FBXL17: variants seen among roughly 807,000 people sequenced by gnomAD.
The protein encoded by FBXL17 is F-box and leucine rich repeat protein 17.
FBXL17 carries 22 observed loss-of-function variants against 66.2 expected under a neutral mutation model. That is an observed-to-expected ratio of 0.33 (90% CI 0.24 to 0.47). The LOEUF (loss-of-function observed/expected upper bound fraction) is 0.47, where lower values mean the gene tolerates loss of function less well. FBXL17 is among the 20% of genes least tolerant of loss of function. The pLI, the probability that FBXL17 is intolerant of heterozygous loss-of-function variation, is 1.00. For missense variants in FBXL17, 878 were observed against 948.2 expected (o/e 0.93, Z 0.97); for synonymous variants, 474 against 400.5 (o/e 1.18, Z -2.19).
At chr5:108,342,482 C>G (rs1380515983) in intron 4 of FBXL17, among the ~76,000 whole-genome samples, 1 of 152,168 alleles carries the variant, frequency 6.6e-6, no homozygotes, top group Non-Finnish European at 1.5e-5. Context: ...TAATAATTAA[C>G]TTCTTCCTTT....
chr5:108,346,042 C>T (rs1747257798), intron 4 of FBXL17, among the ~76,000 whole-genome samples: 1 of 152,066 alleles, frequency 6.6e-6, no homozygotes, highest in South Asian at 2.1e-4. Flanking sequence ...TAGTTGCTAA[C>T]TTAAAATATT....
At chr5:107,894,084 T>A (rs1427656986) in intron 7 of FBXL17, among the ~76,000 whole-genome samples, 2 of 152,174 alleles carry the variant, frequency 1.3e-5, no homozygotes, top group Admixed American at 6.6e-5. Flanking sequence ...GCTTTCTAAT[T>A]ATAGCTGGGA....
intron 6 of FBXL17, among the ~76,000 whole-genome samples, chr5:108,081,648 G>A (rs1482862444): frequency 1.3e-5 from 2 of 152,216 alleles, no homozygotes; most frequent in African/African-American, 4.8e-5. Flanking sequence ...GCGTGAACCC[G>A]GGAGGCGGAG....
chr5:107,872,567 T>A (rs554286145), intron 8 of FBXL17, among the ~76,000 whole-genome samples: 8 of 152,242 alleles, frequency 5.3e-5, no homozygotes, highest in Non-Finnish European at 1.2e-4. Context: ...TATCCATTCA[T>A]CCAGCATGCA....
chr5:108,132,186 G>A (rs1750962901), intron 6 of FBXL17, among the ~76,000 whole-genome samples: 1 of 152,056 alleles, frequency 6.6e-6, no homozygotes, highest in Non-Finnish European at 1.5e-5. Context: ...ATGTTGGTCA[G>A]GCTGGTCTCA....
intron 6 of FBXL17, among the ~76,000 whole-genome samples, chr5:108,124,193 C>T (rs536531158): frequency 3.9e-5 from 6 of 152,036 alleles, no homozygotes; most frequent in African/African-American, 1.2e-4. Flanking sequence ...TTCAGGTCAT[C>T]TGGAGGTTAA....
intron 6 of FBXL17, among the ~76,000 whole-genome samples, chr5:108,142,047 G>A (rs1751370034): frequency 6.6e-6 from 1 of 152,316 alleles, no homozygotes; most frequent in East Asian, 1.9e-4. Flanking sequence ...AATGGAGGTT[G>A]TTACATTTAT....
intron 6 of FBXL17, among the ~76,000 whole-genome samples, chr5:108,137,633 TG>T (rs1323114242): frequency 2.0e-5 from 3 of 152,094 alleles, no homozygotes; most frequent in African/African-American, 7.2e-5. Flanking sequence ...CTTCAGAAAA[TG>T]TACTGTACTT....
At chr5:108,092,765 TC>T (rs1289326949) in intron 6 of FBXL17, among the ~76,000 whole-genome samples, 19 of 152,188 alleles carry the variant, frequency 1.2e-4, no homozygotes, top group African/African-American at 4.6e-4. Flanking sequence ...GATGAATGTT[TC>T]CCAAAGGGAA....
intron 7 of FBXL17, among the ~76,000 whole-genome samples, chr5:107,977,199 A>T (rs1752612762): frequency 6.6e-6 from 1 of 152,138 alleles, no homozygotes; most frequent in South Asian, 2.1e-4. Flanking sequence ...GGTCTAGTAA[A>T]CTGCACATGT....
intron 7 of FBXL17, among the ~76,000 whole-genome samples, chr5:108,014,662 C>A (rs2416523): frequency 1.3e-5 from 2 of 151,916 alleles, no homozygotes; most frequent in Admixed American, 1.3e-4. Context: ...TGCTGTAGAG[C>A]AAAGGAGAAA....
At chr5:108,291,066 C>T (rs956048456) in intron 4 of FBXL17, among the ~76,000 whole-genome samples, 3 of 152,070 alleles carry the variant, frequency 2.0e-5, no homozygotes, top group Non-Finnish European at 4.4e-5. Flanking sequence ...AACATAGCAT[C>T]CAAAACCTAC....
At chr5:108,220,723 T>C (rs1754826976) in intron 5 of FBXL17, among the ~76,000 whole-genome samples, 1 of 152,198 alleles carries the variant, frequency 6.6e-6, no homozygotes, top group Non-Finnish European at 1.5e-5. Context: ...GACATGTTCC[T>C]TCTAGTCTCT....
At chr5:108,004,472 A>T (rs1561362575) in intron 7 of FBXL17, among the ~76,000 whole-genome samples, 1 of 152,222 alleles carries the variant, frequency 6.6e-6, no homozygotes, top group Admixed American at 6.5e-5. Flanking sequence ...ACATGATTTA[A>T]TTGGAAAATA....
intron 3 of FBXL17, among the ~76,000 whole-genome samples, chr5:108,349,006 A>G (rs2112479077): frequency 6.6e-6 from 1 of 152,102 alleles, no homozygotes; most frequent in African/African-American, 2.4e-5. Context: ...GGGTCTCGCT[A>G]TGTTACCCAG....
intron 4 of FBXL17, among the ~76,000 whole-genome samples, chr5:108,284,263 T>C (rs1012907935): frequency 6.6e-6 from 1 of 151,928 alleles, no homozygotes; most frequent in African/African-American, 2.4e-5. Flanking sequence ...TCTGCATTCA[T>C]ATGTTTACTG....
intron 8 of FBXL17, among the ~76,000 whole-genome samples, chr5:107,862,263 G>A (rs1375289846): frequency 6.6e-6 from 1 of 151,764 alleles, no homozygotes; most frequent in Non-Finnish European, 1.5e-5. Context: ...GAATGCCGGA[G>A]AGGACACACT....
chr5:108,046,338 T>C (rs1160668798), intron 6 of FBXL17, among the ~76,000 whole-genome samples: 1 of 152,208 alleles, frequency 6.6e-6, no homozygotes, highest in East Asian at 1.9e-4. Flanking sequence ...ATTGTTATAG[T>C]TCAAGTGAGT....
chr5:108,160,194 G>A (rs1752154461), intron 6 of FBXL17, among the ~76,000 whole-genome samples: 1 of 152,062 alleles, frequency 6.6e-6, no homozygotes, highest in Non-Finnish European at 1.5e-5. Flanking sequence ...AGTTAATATA[G>A]GTTGCTTGCA....
Sources: allele counts gnomAD v4.1 joint callset (sites outside exome capture counted in the v4.1 genomes callset), GRCh38; gene constraint gnomAD v4.1.1; transcripts MANE v1.5; gene names NCBI Gene and HGNC (gene_info 2026-07-23, HGNC 2026-07-21).